IKZF2: variants seen among roughly 807,000 people sequenced by gnomAD.
IKZF2 encodes IKAROS family zinc finger 2.
A neutral mutation model predicts 49.2 loss-of-function variants in IKZF2; 15 were observed. The observed-to-expected ratio is 0.30, with a 90% CI of 0.20 to 0.47. The LOEUF is 0.47. IKZF2 is among the 20% of genes least tolerant of loss of function. The probability of loss-of-function intolerance (pLI) is 1.00; values close to 1 mark genes in which losing one functional copy is unlikely to be tolerated. For missense variants in IKZF2, 567 were observed against 664.6 expected (o/e 0.85, Z 1.61); for synonymous variants, 227 against 221.4 (o/e 1.03, Z -0.23).
intron 4 of IKZF2, among the ~76,000 whole-genome samples, chr2:213,064,143 A>G (rs1701953734): frequency 6.6e-6 from 1 of 151,856 alleles, no homozygotes. Flanking sequence ...TTTTAACATT[A>G]ATTTCTATAC....
At chr2:213,127,076 G>T (rs1302021425) in intron 4 of IKZF2, among the ~76,000 whole-genome samples, 1 of 152,154 alleles carries the variant, frequency 6.6e-6, no homozygotes, top group Non-Finnish European at 1.5e-5. Flanking sequence ...TACATCAAAT[G>T]CTATTACAGG....
intron 4 of IKZF2, among the ~76,000 whole-genome samples, chr2:213,060,364 A>G (rs1701567565): frequency 6.6e-6 from 1 of 151,436 alleles, no homozygotes; most frequent in African/African-American, 2.4e-5. Context: ...TAGCTACACT[A>G]TATGATGCCA....
At chr2:213,017,636 A>G (rs1380469758) in intron 7 of IKZF2, among the ~76,000 whole-genome samples, 2 of 152,060 alleles carry the variant, frequency 1.3e-5, no homozygotes, top group Non-Finnish European at 2.9e-5. Context: ...TAGATGCTAC[A>G]TTGGTAGTTG....
intron 4 of IKZF2, among the ~76,000 whole-genome samples, chr2:213,103,710 G>T (rs1477092836): frequency 1.3e-5 from 2 of 152,096 alleles, no homozygotes; most frequent in Non-Finnish European, 2.9e-5. Flanking sequence ...CAAAATATTT[G>T]AAGATAGTTT....
chr2:213,019,724 C>T (rs1270074193), intron 7 of IKZF2, among the ~76,000 whole-genome samples: 1 of 152,156 alleles, frequency 6.6e-6, no homozygotes, highest in Non-Finnish European at 1.5e-5. Context: ...TACCCAGTGC[C>T]CCTACCCCTT....
intron 4 of IKZF2, among the ~76,000 whole-genome samples, chr2:213,116,561 C>G (rs558423244): frequency 3.9e-5 from 6 of 152,254 alleles, no homozygotes; most frequent in Admixed American, 1.3e-4. Context: ...ACAGTGGGAT[C>G]TTGTCTGTAC....
intron 4 of IKZF2, among the ~76,000 whole-genome samples, chr2:213,093,134 C>A (rs1705548992): frequency 6.6e-6 from 1 of 152,166 alleles, no homozygotes; most frequent in Non-Finnish European, 1.5e-5. Flanking sequence ...CTTCTCCCCA[C>A]CCAACACCTA....
Position 213,105,286 on chromosome 2 carries a change from G to A in IKZF2, c.139+42422C>T, listed in dbSNP as rs557444398. On this transcript the variant is annotated intron_variant, in intron 4 of 8. Transcript: ENST00000434687. ...CTGCCTTCCCTCCCAATCATAGCCCGAAGATCCAATCCTCTTCTCCCTTGC... is the reference window on the plus strand; with the variant it reads ...CTGCCTTCCCTCCCAATCATAGCCCAAAGATCCAATCCTCTTCTCCCTTGC... Among the ~76,000 whole-genome samples the A allele has an allele frequency of 1.2e-4, 18 of 152,110 alleles. No homozygotes were observed. In the South Asian group the frequency reaches 2.7e-3, roughly 23 times the overall value.
intron 6 of IKZF2, among the ~76,000 whole-genome samples, chr2:213,039,399 T>C (rs977541872): frequency 2.6e-5 from 4 of 152,098 alleles, no homozygotes; most frequent in Non-Finnish European, 5.9e-5. Flanking sequence ...GAGGAAGTTG[T>C]TGTTTTAACA....
At chr2:213,046,928 G>A (rs1031440183) in intron 6 of IKZF2, among the ~76,000 whole-genome samples, 2 of 151,956 alleles carry the variant, frequency 1.3e-5, no homozygotes, top group Non-Finnish European at 2.9e-5. Context: ...CAATTACATG[G>A]ACTTCCTCTT....
chr2:213,068,912 A>AACAC (rs3069572), intron 4 of IKZF2, among the ~76,000 whole-genome samples: 2,439 of 146,998 alleles, frequency 0.017, 52 homozygotes, highest in East Asian at 0.11. Flanking sequence ...GGAGGGAGAA[A>AACAC]ACACACACAC....
intron 4 of IKZF2, among the ~76,000 whole-genome samples, chr2:213,126,279 T>C (rs1298991812): frequency 2.0e-5 from 3 of 152,128 alleles, no homozygotes; most frequent in African/African-American, 7.2e-5. Context: ...CCCTACCACT[T>C]TTCCCATTTC....
At chr2:213,147,635 A>C in intron 4 of IKZF2, 73 bp downstream of exon 4, 1 of 1,096,062 alleles carries the variant, frequency 9.1e-7, no homozygotes, top group South Asian at 1.2e-5. Flanking sequence ...AGGACCCCAC[A>C]GACCTAACAA....
chr2:213,062,949 T>A lies in IKZF2; in HGVS notation c.140-5850A>T, dbSNP rs146674732. Reference sequence around the variant, plus strand: ...AAAGCCCAATTATTTACTAAGAATTTACCAACAGTCTAAACAATTAAAGTA... The same window carrying A: ...AAAGCCCAATTATTTACTAAGAATTAACCAACAGTCTAAACAATTAAAGTA... On this transcript the variant is annotated intron_variant, in intron 4 of 8. Transcript: ENST00000434687. 8.9e-3 allele frequency among the ~76,000 whole-genome samples: 1,356 copies of A among 152,134 alleles called. 12 individuals carry two copies. Among genetic ancestry groups the A allele is most frequent in the South Asian group, 0.033 (159 of 4,830 alleles).
chr2:213,054,114 G>T (rs1053337251), intron 5 of IKZF2, among the ~76,000 whole-genome samples: 1 of 151,948 alleles, frequency 6.6e-6, no homozygotes, highest in Non-Finnish European at 1.5e-5. Flanking sequence ...CCTGGTGGTG[G>T]GCACATGTAA....
chr2:213,052,577 T>C (rs893725452), intron 5 of IKZF2, among the ~76,000 whole-genome samples: 2 of 152,052 alleles, frequency 1.3e-5, no homozygotes, highest in Admixed American at 1.3e-4. Flanking sequence ...TGTTTTATTG[T>C]GTTCCAAACT....
intron 4 of IKZF2, 24 bp from the exon 5 acceptor site, chr2:213,057,123 A>T: frequency 6.3e-7 from 1 of 1,596,044 alleles, no homozygotes; most frequent in South Asian, 1.1e-5. Flanking sequence ...AGAAGAAAAT[A>T]AATTTTAAAT....
At chr2:213,021,849 G>T in intron 7 of IKZF2, 144 bp downstream of exon 7, 1 of 846,994 alleles carries the variant, frequency 1.2e-6, no homozygotes, top group Non-Finnish European at 1.8e-6. Flanking sequence ...TTTCAATACA[G>T]ATTATTTGCA....
intron 4 of IKZF2, chr2:213,081,317 T>G (rs1703929534): frequency 6.5e-6 from 1 of 154,204 alleles, no homozygotes; most frequent in East Asian, 1.9e-4. Context: ...TAGATTCAAT[T>G]AAATCCAGTA....
Sources: allele counts gnomAD v4.1 joint callset (sites outside exome capture counted in the v4.1 genomes callset), GRCh38; gene constraint gnomAD v4.1.1; transcripts MANE v1.5; gene names NCBI Gene and HGNC (gene_info 2026-07-23, HGNC 2026-07-21).